Variants in CNTN3 observed in about 807,000 individuals in gnomAD.
CNTN3 encodes the protein contactin 3.
A neutral mutation model predicts 119.1 loss-of-function variants in CNTN3; 60 were observed. That is an observed-to-expected ratio of 0.50 (90% confidence interval 0.41 to 0.62). The LOEUF (loss-of-function observed/expected upper bound fraction) is 0.62. Ranked by LOEUF, CNTN3 falls within the 20% of genes least tolerant of loss-of-function variation. The probability of loss-of-function intolerance (pLI) is 0.00; values close to 1 mark genes in which losing one functional copy is unlikely to be tolerated. For missense variants in CNTN3, 1,101 were observed against 1,242.4 expected, an observed-to-expected ratio of 0.89 and a Z score of 1.71; for synonymous variants, 450 against 438.7, an observed-to-expected ratio of 1.03 and a Z score of -0.32.
At chr3:74,541,840 A>G (rs1442384088) in intron 1 of CNTN3, among the ~76,000 whole-genome samples, 1 of 152,222 alleles carries the variant, frequency 6.6e-6, no homozygotes, top group Non-Finnish European at 1.5e-5. Flanking sequence ...AGATTAGAAC[A>G]AAGAGTTCAG....
chr3:74,506,298 G>T (rs1056004943), intron 2 of CNTN3, among the ~76,000 whole-genome samples: 4 of 152,142 alleles, frequency 2.6e-5, no homozygotes, highest in Non-Finnish European at 5.9e-5. Flanking sequence ...AAGAGGACTT[G>T]AGAGTACTTC....
intron 4 of CNTN3, among the ~76,000 whole-genome samples, chr3:74,447,478 C>T (rs955751126): frequency 2.6e-5 from 4 of 152,208 alleles, no homozygotes; most frequent in Non-Finnish European, 5.9e-5. Flanking sequence ...AGAAGGAAGA[C>T]ATCTAGCCCA....
At chr3:74,388,064 G>A (rs1031651058) in intron 5 of CNTN3, among the ~76,000 whole-genome samples, 1 of 152,164 alleles carries the variant, frequency 6.6e-6, no homozygotes, top group Non-Finnish European at 1.5e-5. Flanking sequence ...TGATGGCTGA[G>A]GCAGATGGTC....
chr3:74,323,254 G>A (rs548960382), intron 13 of CNTN3, among the ~76,000 whole-genome samples: 9 of 152,174 alleles, frequency 5.9e-5, no homozygotes, highest in African/African-American at 2.2e-4. Context: ...GGGGCACATG[G>A]GTACTTTCTG....
chr3:74,367,519 T>C (rs2106784696), intron 8 of CNTN3, among the ~76,000 whole-genome samples: 1 of 152,146 alleles, frequency 6.6e-6, no homozygotes, highest in East Asian at 1.9e-4. Flanking sequence ...GAATGAACCA[T>C]GTAGCCAGTG....
intron 5 of CNTN3, among the ~76,000 whole-genome samples, chr3:74,418,796 CTTTT>C (rs914388844): frequency 6.8e-6 from 1 of 147,298 alleles, no homozygotes; most frequent in African/African-American, 2.5e-5. Flanking sequence ...TTTTTTTTAT[CTTTT>C]TTTTTGGAGA....
At chr3:74,572,266 C>G (rs1336578284) in intron 1 of CNTN3, among the ~76,000 whole-genome samples, 1 of 152,056 alleles carries the variant, frequency 6.6e-6, no homozygotes, top group Non-Finnish European at 1.5e-5. Context: ...AATACACTTC[C>G]TGATTAACCA....
At chr3:74,600,284 T>C (rs1379437642) in intron 1 of CNTN3, among the ~76,000 whole-genome samples, 1 of 152,016 alleles carries the variant, frequency 6.6e-6, no homozygotes, top group Non-Finnish European at 1.5e-5. Context: ...CCTATAAATG[T>C]GGAGAAAAGT....
intron 11 of CNTN3, among the ~76,000 whole-genome samples, chr3:74,357,241 T>C (rs1703958216): frequency 6.6e-6 from 1 of 151,666 alleles, no homozygotes. Context: ...TTCAAATCTA[T>C]TATACGATTT....
At chr3:74,573,453 A>T (rs1704366155) in intron 1 of CNTN3, among the ~76,000 whole-genome samples, 1 of 152,176 alleles carries the variant, frequency 6.6e-6, no homozygotes, top group Non-Finnish European at 1.5e-5. Context: ...GGACTTCATC[A>T]AACTTAAAAA....
rs555080185 is a variant in CNTN3 at position 74,331,618 on chromosome 3, C to T, written c.1668+3117G>A. Reference sequence around the variant, plus strand: ...TCTTGTGTATCTGAATACAAATCCACCTCTTCCGAAACTGAACCACATCGT... The same window carrying T: ...TCTTGTGTATCTGAATACAAATCCATCTCTTCCGAAACTGAACCACATCGT... On this transcript the variant is annotated intron_variant, in intron 13 of 22. Transcript: ENST00000263665. Among the ~76,000 whole-genome samples, 8 of 152,298 alleles carry T rather than the reference C, an allele frequency of 5.3e-5. 1 individual carries two copies. In the South Asian group the frequency reaches 1.2e-3, roughly 24 times the overall value.
At position 74,430,075 on chromosome 3, in the gene CNTN3, GT is replaced by G. The variant is rs150380978; in HGVS notation, c.359-5136del. ...ATGTCAAAGCCAATATGGAAAACAT[GT>G]TTTTTAGTTTCCTGTAAAACGAACC... On this transcript the variant is annotated intron_variant, in intron 4 of 22. Coordinates refer to ENST00000263665, the MANE Select transcript of CNTN3 (RefSeq NM_020872.3). Among the ~76,000 whole-genome samples the G allele has an allele frequency of 4.8e-3, 732 of 152,284 alleles. 5 individuals are homozygous for G. Among genetic ancestry groups the G allele is most frequent in the African/African-American group, 0.016 (675 of 41,562 alleles).
chr3:74,270,486 A>G (rs1208949293), intron 20 of CNTN3, among the ~76,000 whole-genome samples: 1 of 147,604 alleles, frequency 6.8e-6, no homozygotes. Flanking sequence ...TGAGTTGAAG[A>G]AAAAAAAGTA....
chr3:74,377,628 T>C (rs1261375562), intron 5 of CNTN3, among the ~76,000 whole-genome samples: 1 of 152,198 alleles, frequency 6.6e-6, no homozygotes, highest in Non-Finnish European at 1.5e-5. Flanking sequence ...TGCCAAACGA[T>C]TTGGCCAGTG....
chr3:74,364,629 C>G, intron 9 of CNTN3, 33 bp from the exon 10 acceptor site: 2 of 1,534,078 alleles, frequency 1.3e-6, no homozygotes, highest in East Asian at 4.5e-5. Flanking sequence ...TTCATATAAA[C>G]AAACATACCA....
chr3:74,325,919 G>A (rs112829967), intron 13 of CNTN3, among the ~76,000 whole-genome samples: 55 of 152,134 alleles, frequency 3.6e-4, no homozygotes, highest in African/African-American at 1.3e-3. Flanking sequence ...AATTAATGAC[G>A]AGGCATCATT....
At chr3:74,596,491 A>G (rs531311354) in intron 1 of CNTN3, among the ~76,000 whole-genome samples, 42 of 152,264 alleles carry the variant, frequency 2.8e-4, no homozygotes, top group Admixed American at 2.5e-3. Flanking sequence ...AAACAGAGAT[A>G]TAGATCAATG....
In CNTN3 at chr3:74,361,905, A is replaced by G. The variant is rs779053603; in HGVS notation, c.1349T>C (p.Val450Ala). The change falls in exon 11 of 23, where the codon GTG becomes GCG. Residue 450 changes from valine to alanine, a missense_variant. Physicochemically the swap from Val to Ala is moderately conservative, Grantham distance 64. Coordinates refer to ENST00000263665, the MANE Select transcript of CNTN3 (RefSeq NM_020872.3). ...LSSWKKGDVS[V>A]QEHERISLLN... ...ATCAAAATACCTTTCATGCTCCTGC[A>G]CGCTCACATCCCCCTTCTTCCAGGA... is the stretch of plus-strand genomic sequence containing the variant. The G allele has an allele frequency of 9.9e-6, 16 of 1,612,712 alleles. No individual in the cohort carries two copies. Among genetic ancestry groups the G allele is most frequent in the Non-Finnish European group, 1.2e-5 (14 of 1,179,346 alleles).
chr3:74,349,125 A>T (rs977131596), intron 11 of CNTN3, among the ~76,000 whole-genome samples: 1 of 152,014 alleles, frequency 6.6e-6, no homozygotes. Context: ...TTTGTTATGC[A>T]GCAAAAGTTA....
Sources: allele counts gnomAD v4.1 joint callset (sites outside exome capture counted in the v4.1 genomes callset), GRCh38; gene constraint gnomAD v4.1.1; transcripts MANE v1.5; gene names NCBI Gene and HGNC (gene_info 2026-07-23, HGNC 2026-07-21).